The following ENOX1 variants were observed in gnomAD, a reference collection of about 807,000 sequenced individuals.
The protein encoded by ENOX1 is ecto-NOX disulfide-thiol exchanger 1.
Under a neutral mutation model 82.5 loss-of-function variants are expected in ENOX1, and 42 were observed. The ratio of observed to expected loss-of-function variants is 0.51; its 90% confidence interval spans 0.40 to 0.66. ENOX1 has a LOEUF of 0.66. ENOX1 is among the 30% of genes least tolerant of loss of function. The pLI, the probability that ENOX1 is intolerant of heterozygous loss-of-function variation, is 0.00. For missense variants in ENOX1, 608 were observed against 811.6 expected, an observed-to-expected ratio of 0.75 and a Z score of 3.05; for synonymous variants, 271 against 282.2, an observed-to-expected ratio of 0.96 and a Z score of 0.40.
In ENOX1 at chr13:43,721,376, C is replaced by CTTTTT. The variant is rs761888585; in HGVS notation, c.-284-53837_-284-53833dup. On this transcript the variant is annotated intron_variant, in intron 1 of 16. Coordinates refer to ENST00000690772, the MANE Select transcript of ENOX1 (RefSeq NM_001347969.2). Reference sequence around the variant, plus strand: ...GAAAAAGCTTTTATATATTTTATATCTTTTTTTTTTTTTTTTTTTTGAGAC... The same window carrying CTTTTT: ...GAAAAAGCTTTTATATATTTTATATCTTTTTTTTTTTTTTTTTTTTTTTTTGAGAC... Among the ~76,000 whole-genome samples, 114 of 107,590 alleles carry CTTTTT rather than the reference C, an allele frequency of 1.1e-3. 4 individuals are homozygous for CTTTTT. Among genetic ancestry groups the CTTTTT allele is most frequent in the East Asian group, 6.4e-3 (23 of 3,618 alleles). The allele number at this position is 107,590 out of a possible 152,430, so 70.6% of individuals were successfully genotyped here. A position where few individuals can be genotyped will look rare whatever the true frequency, so the allele number is the denominator to read the frequency against.
At position 43,665,249 on chromosome 13, in the gene ENOX1, G is replaced by C. The variant is rs138015992; in HGVS notation, c.-219+2230C>G. Among the ~76,000 whole-genome samples, 1,163 of 152,252 alleles carry C rather than the reference G, an allele frequency of 7.6e-3. 16 individuals carry two copies. Among genetic ancestry groups the C allele is most frequent in the African/African-American group, 0.027 (1,108 of 41,542 alleles). On this transcript the variant is annotated intron_variant, in intron 2 of 16. Transcript: ENST00000690772. ...CTATTAAAAAGGTAATCCTTTCCTG[G>C]AAGTAACAGTAGACATGGCTAGAAA...
intron 2 of ENOX1, among the ~76,000 whole-genome samples, chr13:43,556,981 C>T (rs1267282592): frequency 6.6e-6 from 1 of 152,150 alleles, no homozygotes; most frequent in African/African-American, 2.4e-5. Flanking sequence ...AAGAAAAGGA[C>T]ACATGCTTCA....
At chr13:43,458,201 C>T (rs1178340428) in intron 3 of ENOX1, among the ~76,000 whole-genome samples, 2 of 152,162 alleles carry the variant, frequency 1.3e-5, no homozygotes, top group Admixed American at 6.5e-5. Context: ...CTTGACTTTA[C>T]AGTCAGATTG....
At chr13:43,302,170 T>C (rs538324296) in intron 11 of ENOX1, among the ~76,000 whole-genome samples, 1 of 149,236 alleles carries the variant, frequency 6.7e-6, no homozygotes, top group Admixed American at 6.7e-5. Flanking sequence ...GTGCACCGAG[T>C]GCCAATAAAT....
chr13:43,302,905 C>G (rs1159685505), intron 11 of ENOX1, among the ~76,000 whole-genome samples: 1 of 152,182 alleles, frequency 6.6e-6, no homozygotes, highest in African/African-American at 2.4e-5. Flanking sequence ...TCCCAGTAAG[C>G]TGACAGTCTG....
intron 3 of ENOX1, among the ~76,000 whole-genome samples, chr13:43,456,385 A>G (rs1594718071): frequency 6.6e-6 from 1 of 152,134 alleles, no homozygotes; most frequent in South Asian, 2.1e-4. Context: ...CGATTCATTT[A>G]TATTTAAAAA....
chr13:43,239,690 G>C (rs1346962339), intron 14 of ENOX1, among the ~76,000 whole-genome samples: 3 of 152,202 alleles, frequency 2.0e-5, no homozygotes. Context: ...CAAAGTCACA[G>C]AGCTAATTAG....
intron 2 of ENOX1, among the ~76,000 whole-genome samples, chr13:43,542,087 A>C (rs181309797): frequency 6.6e-6 from 1 of 152,186 alleles, no homozygotes; most frequent in Non-Finnish European, 1.5e-5. Flanking sequence ...CTGCAAAAAC[A>C]AACAGTAGAG....
intron 3 of ENOX1, among the ~76,000 whole-genome samples, chr13:43,436,952 A>T (rs1022717977): frequency 6.6e-6 from 1 of 152,232 alleles, no homozygotes; most frequent in Non-Finnish European, 1.5e-5. Context: ...TTTGATTCTA[A>T]AATGACAAGT....
rs184842994 is a variant in ENOX1, at chr13:43,306,882, A to G, written c.1262-8352T>C. Among the ~76,000 whole-genome samples the G allele has an allele frequency of 2.5e-3, 388 of 152,314 alleles. 1 individual carries two copies. Among genetic ancestry groups the G allele is most frequent in the African/African-American group, 8.9e-3 (372 of 41,566 alleles). On this transcript the variant is annotated intron_variant, in intron 11 of 16. Coordinates refer to ENST00000690772, the MANE Select transcript of ENOX1 (RefSeq NM_001347969.2). ...GTATTTGAATTGGTGCTTCTACCAT[A>G]TAAAACACATCCACACTATGAAATG...
intron 2 of ENOX1, among the ~76,000 whole-genome samples, chr13:43,620,787 CCATT>C (rs1388004640): frequency 1.3e-5 from 2 of 152,052 alleles, no homozygotes; most frequent in African/African-American, 4.8e-5. Context: ...TAGTTTAAAT[CCATT>C]GTTTCTTTGT....
intron 2 of ENOX1, among the ~76,000 whole-genome samples, chr13:43,616,601 C>T (rs1011188236): frequency 1.1e-4 from 16 of 152,214 alleles, no homozygotes; most frequent in Admixed American, 3.9e-4. Context: ...TTAATTGACA[C>T]ATGACCTAGG....
At chr13:43,707,731 C>CAAAAA (rs1379285097) in intron 1 of ENOX1, among the ~76,000 whole-genome samples, 30 of 49,112 alleles carry the variant, frequency 6.1e-4, no homozygotes, top group Non-Finnish European at 8.3e-4. Flanking sequence ...GACTCTGTCT[C>CAAAAA]AAAAAAAAAA....
intron 2 of ENOX1, among the ~76,000 whole-genome samples, chr13:43,637,137 T>G (rs2083443775): frequency 6.6e-6 from 1 of 152,162 alleles, no homozygotes; most frequent in African/African-American, 2.4e-5. Flanking sequence ...ACTGTACCTT[T>G]CAAATGGTTC....
intron 3 of ENOX1, among the ~76,000 whole-genome samples, chr13:43,483,528 C>T (rs1028921462): frequency 2.0e-5 from 3 of 152,106 alleles, no homozygotes; most frequent in African/African-American, 7.2e-5. Context: ...GGTGAATATC[C>T]TCTGGTAGAA....
intron 14 of ENOX1, 35 bp downstream of exon 14, chr13:43,265,363 G>A (rs770557046): frequency 2.5e-6 from 4 of 1,589,912 alleles, no homozygotes; most frequent in Non-Finnish European, 3.4e-6. Context: ...CCAACGTCAA[G>A]CAAGAAGAAC....
At chr13:43,444,862 G>T (rs950331051) in intron 3 of ENOX1, among the ~76,000 whole-genome samples, 1 of 152,106 alleles carries the variant, frequency 6.6e-6, no homozygotes, top group Non-Finnish European at 1.5e-5. Context: ...TTGGATCCAC[G>T]TGCCACCCGT....
chr13:43,591,102 C>A (rs539708211), intron 2 of ENOX1, among the ~76,000 whole-genome samples: 4 of 152,222 alleles, frequency 2.6e-5, no homozygotes, highest in Non-Finnish European at 5.9e-5. Flanking sequence ...ATACACATAC[C>A]CATTGGCTAA....
chr13:43,234,889 A>G (rs1468152155), intron 15 of ENOX1, among the ~76,000 whole-genome samples: 1 of 152,244 alleles, frequency 6.6e-6, no homozygotes, highest in Non-Finnish European at 1.5e-5. Flanking sequence ...GTGTTCTCCA[A>G]TTAAAACATA....
Sources: allele counts gnomAD v4.1 joint callset (sites outside exome capture counted in the v4.1 genomes callset), GRCh38; gene constraint gnomAD v4.1.1; transcripts MANE v1.5; gene names NCBI Gene and HGNC (gene_info 2026-07-23, HGNC 2026-07-21).